The following NBAS variants were observed in gnomAD, a reference collection of about 807,000 sequenced individuals.
NBAS encodes the protein NBAS subunit of NRZ tethering complex.
Under a neutral mutation model 302.5 loss-of-function variants are expected in NBAS, and 219 were observed. That is an observed-to-expected ratio of 0.72 (90% confidence interval 0.65 to 0.81). The LOEUF (loss-of-function observed/expected upper bound fraction) is 0.81, where lower values mean the gene tolerates loss of function less well. Ranked by LOEUF, NBAS falls within the 30% of genes least tolerant of loss-of-function variation. The pLI is 0.00. For missense variants in NBAS, 2,932 were observed against 2,841.6 expected (o/e 1.03, Z -0.72); for synonymous variants, 1,118 against 1,021.6 (o/e 1.09, Z -1.80).
At chr2:15,295,245 T>C (rs1426934746) in intron 40 of NBAS, among the ~76,000 whole-genome samples, 1 of 152,248 alleles carries the variant, frequency 6.6e-6, no homozygotes, top group Non-Finnish European at 1.5e-5. Context: ...TATAAGTGTA[T>C]AGCAAGAATG....
At chr2:14,829,235 C>T in the NBAS span, among the ~76,000 whole-genome samples, 1,075 of 152,182 alleles carry the variant, frequency 7.1e-3, 22 homozygotes, top group African/African-American at 0.024. Context: ...CTCAGGTCTA[C>T]ATGTGCTTCA....
intron 19 of NBAS, among the ~76,000 whole-genome samples, chr2:15,462,526 T>C (rs1397732235): frequency 1.3e-5 from 2 of 152,176 alleles, no homozygotes; most frequent in East Asian, 3.8e-4. Flanking sequence ...CCTGTCAGTA[T>C]TCTTCTGACT....
At chr2:15,370,005 G>C (rs1327980178) in intron 31 of NBAS, among the ~76,000 whole-genome samples, 1 of 152,212 alleles carries the variant, frequency 6.6e-6, no homozygotes, top group Admixed American at 6.5e-5. Flanking sequence ...ATACAAATCT[G>C]AACCGTGTGG....
chr2:15,113,761 G>C, the NBAS span, among the ~76,000 whole-genome samples: 1 of 151,678 alleles, frequency 6.6e-6, no homozygotes, highest in South Asian at 2.1e-4. Context: ...TATTTGCTCT[G>C]CTCTTTTTTT....
chr2:15,227,781 C>T (rs1667206562), intron 47 of NBAS, among the ~76,000 whole-genome samples: 1 of 152,108 alleles, frequency 6.6e-6, no homozygotes, highest in African/African-American at 2.4e-5. Context: ...TAGATAACCA[C>T]ACGAAAAAGA....
chr2:14,968,966 G>T, the NBAS span, among the ~76,000 whole-genome samples: 5 of 152,132 alleles, frequency 3.3e-5, no homozygotes, highest in Non-Finnish European at 7.4e-5. Context: ...CTGACAAGTG[G>T]ATCAATAAAA....
chr2:15,455,034 C>T (rs1679188658), intron 21 of NBAS, among the ~76,000 whole-genome samples: 1 of 151,986 alleles, frequency 6.6e-6, no homozygotes, highest in African/African-American at 2.4e-5. Context: ...TCCTAAGTAG[C>T]TGGGATTACA....
At chr2:15,249,866 G>A (rs1022060300) in intron 44 of NBAS, among the ~76,000 whole-genome samples, 3 of 152,036 alleles carry the variant, frequency 2.0e-5, no homozygotes, top group Admixed American at 2.0e-4. Context: ...TCAATATCGT[G>A]AAAATGGCCA....
chr2:14,874,502 T>C, the NBAS span, among the ~76,000 whole-genome samples: 1 of 147,246 alleles, frequency 6.8e-6, no homozygotes, highest in Non-Finnish European at 1.5e-5. Flanking sequence ...GAGCCGGGCA[T>C]GGTGGCAGGC....
chr2:15,504,146 T>C lies in NBAS; in HGVS notation c.953A>G (p.Gln318Arg). ...VKFYSRQGQE[Q>R]DGIFKMSLSP... Reference sequence around the variant, plus strand: ...CATAGTTAAGCCAATTTGTGTTACCTGTTCTTGTCCCTGGCGACTGTAAAA... The same window carrying C: ...CATAGTTAAGCCAATTTGTGTTACCCGTTCTTGTCCCTGGCGACTGTAAAA... The change falls in exon 11 of 52, where the codon CAG (glutamine) becomes CGG (arginine). Residue 318 changes from glutamine (Q) to arginine (R), a missense_variant and splice_region_variant. Coordinates refer to ENST00000281513, the MANE Select transcript of NBAS (RefSeq NM_015909.4). 6.2e-7 allele frequency: 1 copy of C among 1,612,402 alleles called. No homozygotes were observed. Among genetic ancestry groups the C allele is most frequent in the East Asian group, 2.2e-5 (1 of 44,822 alleles).
intron 6 of NBAS, among the ~76,000 whole-genome samples, chr2:15,545,233 GA>G: frequency 6.6e-6 from 1 of 152,174 alleles, no homozygotes. Context: ...ATTTATATAT[GA>G]AAAAAGTTTA....
At chr2:15,335,293 A>AGATGGG (rs1424358849) in intron 35 of NBAS, among the ~76,000 whole-genome samples, 1 of 152,180 alleles carries the variant, frequency 6.6e-6, no homozygotes, top group Non-Finnish European at 1.5e-5. Flanking sequence ...GGTAGTCCCC[A>AGATGGG]GATTGAAGAT....
chr2:15,248,842 C>G (rs1668227886), intron 44 of NBAS, among the ~76,000 whole-genome samples: 1 of 152,052 alleles, frequency 6.6e-6, no homozygotes, highest in African/African-American at 2.4e-5. Flanking sequence ...CAAAAAAAGT[C>G]CAGGACCAGA....
the NBAS span, among the ~76,000 whole-genome samples, chr2:14,884,192 G>A: frequency 0.038 from 5,726 of 152,112 alleles, 137 homozygotes; most frequent in Non-Finnish European, 0.051. Flanking sequence ...CGTAGTTAAT[G>A]TGCTGATTTT....
chr2:15,437,048 T>A (rs963422044), intron 21 of NBAS, among the ~76,000 whole-genome samples: 4 of 152,186 alleles, frequency 2.6e-5, no homozygotes, highest in African/African-American at 9.6e-5. Flanking sequence ...TACAGCAGAT[T>A]TTTTTTCAAA....
At chr2:15,506,879 C>A (rs1475857383) in intron 10 of NBAS, among the ~76,000 whole-genome samples, 1 of 152,056 alleles carries the variant, frequency 6.6e-6, no homozygotes. Context: ...AAAACAAACT[C>A]GTAAAATGCT....
the NBAS span, among the ~76,000 whole-genome samples, chr2:14,793,662 A>G: frequency 6.6e-6 from 1 of 152,314 alleles, no homozygotes; most frequent in Admixed American, 6.5e-5. Flanking sequence ...GAAATGATCG[A>G]TGAAAAAAAT....
At chr2:14,951,848 G>A in the NBAS span, among the ~76,000 whole-genome samples, 1 of 152,122 alleles carries the variant, frequency 6.6e-6, no homozygotes, top group African/African-American at 2.4e-5. Context: ...TTCCTCTTAG[G>A]GCTGCTCTTG....
chr2:15,469,472 C>T (rs1465796891), intron 16 of NBAS, among the ~76,000 whole-genome samples: 1 of 152,118 alleles, frequency 6.6e-6, no homozygotes, highest in Non-Finnish European at 1.5e-5. Context: ...TTTGACCCAG[C>T]AATCCCACTA....
Sources: gnomAD v4.1 joint callset for allele counts (sites outside exome capture counted in the v4.1 genomes callset) on GRCh38, gnomAD v4.1.1 for gene constraint, MANE v1.5 for transcripts, NCBI Gene and HGNC (gene_info 2026-07-23, HGNC 2026-07-21) for gene names.